Variants in RNF10 observed in about 807,000 individuals in gnomAD.
RNF10 encodes ring finger protein 10.
RNF10 carries 38 observed loss-of-function variants against 91.4 expected under a neutral mutation model. That is an observed-to-expected ratio of 0.42 (90% CI 0.32 to 0.54). RNF10 has a LOEUF of 0.54. Among genes scored for constraint, RNF10 ranks in the 20% least tolerant of loss-of-function variants. The probability of loss-of-function intolerance (pLI) is 0.16; values close to 1 mark genes in which losing one functional copy is unlikely to be tolerated. For synonymous variants in RNF10, 364 were observed against 366.3 expected (o/e 0.99, Z 0.07); for missense variants, 945 against 1,012.0 (o/e 0.93, Z 0.90).
chr12:120,545,986 G>C (rs1593059335), intron 1 of RNF10, among the ~76,000 whole-genome samples: 1 of 152,208 alleles, frequency 6.6e-6, no homozygotes, highest in Admixed American at 6.5e-5. Flanking sequence ...TTGTAGTATA[G>C]AATCTGGTTA....
At position 120,554,774 on chromosome 12, in the gene RNF10, ATACAT is replaced by A; in HGVS notation, c.614_618del (p.Thr205SerfsTer2). The stretch of plus-strand genomic sequence containing the variant: ...TACACAGCTCATTTTGCTGATCCTG[ATACAT>A]TAGTTAACTGGGACTTTGTGGAACA... On this transcript the variant is annotated frameshift_variant, in exon 4 of 17. Coordinates refer to ENST00000325954, the MANE Select transcript of RNF10 (RefSeq NM_014868.5). LOFTEE classifies it high-confidence loss of function. The A allele has an allele frequency of 6.2e-7, 1 of 1,614,124 alleles. No individual in the cohort carries two copies. The highest frequency in any genetic ancestry group is 8.5e-7 in the Non-Finnish European group (1 of 1,179,978).
In RNF10 at chr12:120,552,537, G is replaced by C. The variant is rs368183309; in HGVS notation, c.393G>C (p.Gln131His). The part of the protein sequence containing the change: ...EAQRAEFSPA[Q>H]FSGPKKINLN... The stretch of plus-strand genomic sequence containing the variant: ...AACGGGCAGAGTTTAGCCCTGCCCA[G>C]TTCTCTGGTCCTAAGAAGATCAACC... The change falls in exon 3 of 17, where the codon CAG (glutamine) becomes CAC (histidine). Residue 131 changes from glutamine to histidine, a missense_variant. Transcript: ENST00000325954. The C allele has an allele frequency of 6.2e-7, 1 of 1,614,224 alleles. No individual in the cohort carries two copies. Among genetic ancestry groups the C allele is most frequent in the Non-Finnish European group, 8.5e-7 (1 of 1,180,042 alleles).
At chr12:120,551,300 T>TTC in intron 2 of RNF10, among the ~76,000 whole-genome samples, 1 of 134,250 alleles carries the variant, frequency 7.4e-6, no homozygotes, top group Non-Finnish European at 1.7e-5. Context: ...GTTTTTTTTT[T>TTC]TTTTTTTTTT....
At chr12:120,566,075 CTG>C (rs1379771493) in intron 12 of RNF10, among the ~76,000 whole-genome samples, 6 of 152,212 alleles carry the variant, frequency 3.9e-5, no homozygotes, top group Non-Finnish European at 8.8e-5. Flanking sequence ...ACACAAGGAA[CTG>C]AGTCCTTGGC....
rs371792374 is a variant in RNF10, at chr12:120,552,714, C to T, written c.554+16C>T. 186 of 1,609,896 alleles carry T rather than the reference C, an allele frequency of 1.2e-4. No individual in the cohort carries two copies. Among genetic ancestry groups the T allele is most frequent in the Middle Eastern group, 3.6e-4 (2 of 5,528 alleles). On this transcript the variant is annotated intron_variant, in intron 3 of 16. Coordinates refer to ENST00000325954, the MANE Select transcript of RNF10 (RefSeq NM_014868.5). ...TACAGGCCAAGTGAGTATTGCTACC[C>T]CTCAGAGGAAAGGGAAAGTAGGACT...
At chr12:120,541,505 G>T (rs1208387196) in intron 1 of RNF10, among the ~76,000 whole-genome samples, 1 of 147,134 alleles carries the variant, frequency 6.8e-6, no homozygotes, top group Non-Finnish European at 1.5e-5. Context: ...CACGATCTCC[G>T]CTCACTGCTA....
chr12:120,547,200 A>G (rs1411712402), intron 2 of RNF10, among the ~76,000 whole-genome samples: 1 of 152,208 alleles, frequency 6.6e-6, no homozygotes, highest in Non-Finnish European at 1.5e-5. Context: ...AGAGAGTAAC[A>G]AGGAAAACAG....
chr12:120,556,679 G>GTAGAT (rs1565957260), intron 4 of RNF10, among the ~76,000 whole-genome samples: 2 of 151,422 alleles, frequency 1.3e-5, no homozygotes, highest in Non-Finnish European at 2.9e-5. Flanking sequence ...GAAGTTACTG[G>GTAGAT]TAGATTACTT....
chr12:120,573,571 G>A (rs527873052), intron 14 of RNF10, among the ~76,000 whole-genome samples: 10 of 149,890 alleles, frequency 6.7e-5, no homozygotes, highest in Admixed American at 2.0e-4. Context: ...ATTACCCGAC[G>A]CCGAGTCATT....
intron 2 of RNF10, among the ~76,000 whole-genome samples, chr12:120,548,825 C>T (rs1368560189): frequency 6.6e-6 from 1 of 151,908 alleles, no homozygotes; most frequent in Non-Finnish European, 1.5e-5. Context: ...CCCACCACCA[C>T]GCCCGGCTAA....
intron 1 of RNF10, among the ~76,000 whole-genome samples, chr12:120,541,818 C>G (rs988912606): frequency 2.6e-5 from 4 of 151,764 alleles, no homozygotes; most frequent in African/African-American, 9.7e-5. Flanking sequence ...ACCTTGAACT[C>G]CTTGGCTTAA....
intron 1 of RNF10, among the ~76,000 whole-genome samples, chr12:120,541,109 G>A (rs1291062084): frequency 2.0e-5 from 3 of 152,056 alleles, no homozygotes; most frequent in Non-Finnish European, 2.9e-5. Context: ...CGCCCGCCTC[G>A]GCCTCCCAAA....
At chr12:120,544,853 A>G (rs560306498) in intron 1 of RNF10, among the ~76,000 whole-genome samples, 10 of 152,336 alleles carry the variant, frequency 6.6e-5, no homozygotes, top group African/African-American at 2.4e-4. Context: ...ATATTAAACT[A>G]ACAAAAAATT....
rs1565958515 is a variant in RNF10 at position 120,557,619 on chromosome 12, G to A, written c.904G>A (p.Gly302Arg). ...GATGCAGCTGATGAAGAGGGAGAAA[G>A]GGGTGTTGGTGGCTTTGCCCAAATC... ...ITMQLMKREK[G>R]VLVALPKSKW... is the part of the protein sequence containing the mutation. Residue 302 changes from glycine to arginine, a missense_variant, in exon 6 of 17, where the codon GGG becomes AGG. Gly to Arg is a moderately radical substitution (Grantham distance 125). Transcript: ENST00000325954. The A allele has an allele frequency of 5.0e-6, 8 of 1,614,196 alleles. No homozygotes were observed. Among genetic ancestry groups the A allele is most frequent in the South Asian group, 1.1e-5 (1 of 91,088 alleles).
intron 2 of RNF10, among the ~76,000 whole-genome samples, chr12:120,547,666 G>A (rs560937650): frequency 6.6e-6 from 1 of 152,236 alleles, no homozygotes. Flanking sequence ...AGGTGGTAGT[G>A]CGTTTATTGG....
At position 120,559,933 on chromosome 12, in the gene RNF10, G is replaced by A. The variant is rs1304233851; in HGVS notation, c.968-793G>A. On this transcript the variant is annotated intron_variant, in intron 6 of 16. Coordinates refer to ENST00000325954, the MANE Select transcript of RNF10 (RefSeq NM_014868.5). ...GCTGGTTTCGAACTCCTAACTTCAG[G>A]TGATCCACCTGCCTCAGCCTCCCAA... is the stretch of plus-strand genomic sequence containing the variant. Among the ~76,000 whole-genome samples the A allele has an allele frequency of 3.3e-5, 5 of 151,528 alleles. No homozygotes were observed. In the South Asian group the frequency reaches 6.2e-4, roughly 19 times the overall value.
chr12:120,545,282 C>T (rs139020183), intron 1 of RNF10, among the ~76,000 whole-genome samples: 6,907 of 151,090 alleles, frequency 0.046, 263 homozygotes, highest in South Asian at 0.1. Flanking sequence ...CTGGGGTTCA[C>T]GCCGTTCTCC....
intron 1 of RNF10, among the ~76,000 whole-genome samples, chr12:120,536,671 T>C (rs1467495343): frequency 6.6e-6 from 1 of 152,204 alleles, no homozygotes; most frequent in Non-Finnish European, 1.5e-5. Context: ...ACCAGTCCTT[T>C]TGGTCAGTGT....
chr12:120,557,479 C>T lies in RNF10; in HGVS notation c.830+13C>T. 6.2e-7 allele frequency: 1 copy of T among 1,613,550 alleles called. No homozygotes were observed. The highest frequency in any genetic ancestry group is 8.5e-7 in the Non-Finnish European group (1 of 1,179,470). ...AGGATCTCAAGAGGTGAGATTGAGA[C>T]ATTTACTCAGTTAGATCCCAATCTC... On this transcript the variant is annotated intron_variant, in intron 5 of 16. Transcript: ENST00000325954.
Sources: gnomAD v4.1 joint callset for allele counts (sites outside exome capture counted in the v4.1 genomes callset) on GRCh38, gnomAD v4.1.1 for gene constraint, MANE v1.5 for transcripts, NCBI Gene and HGNC (gene_info 2026-07-23, HGNC 2026-07-21) for gene names.